The following LARP6 variants were observed in gnomAD, a reference collection of about 807,000 sequenced individuals.
LARP6 encodes La ribonucleoprotein 6, translational regulator, also known as la-related protein 6.
A neutral mutation model predicts 32.8 loss-of-function variants in LARP6; 18 were observed. The ratio of observed to expected loss-of-function variants is 0.55; its 90% CI spans 0.38 to 0.81. The LOEUF (loss-of-function observed/expected upper bound fraction) is 0.81, where lower values mean the gene tolerates loss of function less well. Among genes scored for constraint, LARP6 ranks in the 40% least tolerant of loss-of-function variants. The probability of loss-of-function intolerance (pLI) is 0.00; values close to 1 mark genes in which losing one functional copy is unlikely to be tolerated. For missense variants in LARP6, 598 were observed against 663.1 expected (o/e 0.90, Z 1.08); for synonymous variants, 289 against 267.2 (o/e 1.08, Z -0.80).
In LARP6 at chr15:70,854,150, C is replaced by A; in HGVS notation, c.-62G>T. 2 of 1,167,048 alleles carry A rather than the reference C, an allele frequency of 1.7e-6. No individual in the cohort carries two copies. The highest frequency in any genetic ancestry group is 2.1e-6 in the Non-Finnish European group (2 of 936,162). The allele number at this position is 1,167,048 out of a possible 1,614,324, so 72.3% of individuals were successfully genotyped here. A position where few individuals can be genotyped will look rare whatever the true frequency, so the allele number is the denominator to read the frequency against. ...CCGCAAGGCCCAGCCAGCCGGTCGG[C>A]AGCGACTGCGACGAGGGGGCGGGGG... On this transcript the variant is annotated 5_prime_UTR_variant, in exon 1 of 3. Transcript: ENST00000299213.
intron 1 of LARP6, among the ~76,000 whole-genome samples, chr15:70,843,103 A>G (rs2032285340): frequency 6.6e-6 from 1 of 151,108 alleles, no homozygotes; most frequent in South Asian, 2.1e-4. Flanking sequence ...CTTCCAACCC[A>G]CCCCCCAACT....
intron 1 of LARP6, chr15:70,852,414 T>C (rs2032494609): frequency 3.0e-5 from 10 of 331,158 alleles, no homozygotes; most frequent in South Asian, 2.3e-4. Flanking sequence ...ATAGGGGATC[T>C]TTCCAGGCCT....
chr15:70,842,386 C>G (rs2032273066), intron 1 of LARP6, among the ~76,000 whole-genome samples: 1 of 152,030 alleles, frequency 6.6e-6, no homozygotes, highest in African/African-American at 2.4e-5. Context: ...ACCCAATAAT[C>G]TATCCCTGAC....
At chr15:70,842,896 C>T (rs867121251) in intron 1 of LARP6, among the ~76,000 whole-genome samples, 1 of 152,152 alleles carries the variant, frequency 6.6e-6, no homozygotes, top group South Asian at 2.1e-4. Flanking sequence ...CTATGCATCT[C>T]CAAAGGGGGA....
chr15:70,853,720 C>T (rs925728132), intron 1 of LARP6, among the ~76,000 whole-genome samples, 169 bp downstream of exon 1: 2 of 152,176 alleles, frequency 1.3e-5, no homozygotes, highest in African/African-American at 4.8e-5. Flanking sequence ...CCGGCTGCCT[C>T]CACGGGCCGG....
At chr15:70,851,497 C>T (rs1028740120) in intron 1 of LARP6, 2 of 1,430,836 alleles carry the variant, frequency 1.4e-6, no homozygotes, top group Non-Finnish European at 9.2e-7. Flanking sequence ...AGGTATTAGG[C>T]TAGGTATGGA....
intron 1 of LARP6, chr15:70,851,789 A>G (rs1159092461): frequency 6.2e-7 from 1 of 1,601,186 alleles, no homozygotes; most frequent in East Asian, 2.2e-5. Flanking sequence ...ACAGAGTACT[A>G]CAGCAACAGA....
intron 1 of LARP6, among the ~76,000 whole-genome samples, chr15:70,838,934 A>AAGC (rs984945049): frequency 6.6e-6 from 1 of 151,022 alleles, no homozygotes; most frequent in Non-Finnish European, 1.5e-5. Flanking sequence ...AAAAGAAAAG[A>AAGC]AGCAACTGTG....
At chr15:70,834,729 G>C (rs546611384) in intron 2 of LARP6, among the ~76,000 whole-genome samples, 5 of 152,346 alleles carry the variant, frequency 3.3e-5, no homozygotes, top group African/African-American at 1.2e-4. Context: ...TCCTAAGCCT[G>C]GGTCCATGAC....
Position 70,834,453 on chromosome 15 carries a change from G to A in LARP6, c.412-1337C>T, listed in dbSNP as rs78308695. On this transcript the variant is annotated intron_variant, in intron 2 of 2. Transcript: ENST00000299213. ...TGAGGCTGTGGGAAAGCCAGGCAGT[G>A]GCTCACTGTGGGGTGAAACATGGTG... is the stretch of plus-strand genomic sequence containing the variant. Among the ~76,000 whole-genome samples, 486 of 152,344 alleles carry A rather than the reference G, an allele frequency of 3.2e-3. 6 individuals carry two copies. The highest frequency in any genetic ancestry group is 0.011 in the African/African-American group (471 of 41,572).
rs151171344 is a variant in LARP6, at chr15:70,836,153, C to G, written c.411+142G>C. The G allele has an allele frequency of 5.0e-5, 33 of 664,386 alleles. No homozygotes were observed. The East Asian group carries it at 8.9e-4, about 18-fold the overall frequency. 41.2% of individuals were successfully genotyped at this position (664,386 alleles called of 1,614,324 possible). On this transcript the variant is annotated intron_variant, in intron 2 of 2. Coordinates refer to ENST00000299213, the MANE Select transcript of LARP6 (RefSeq NM_018357.4). ...AACAATACTAAATCCCTTCTCCTAG[C>G]CATTTTTCTCTTTTTCAGGCACAGA...
chr15:70,841,086 T>G (rs2032248349), intron 1 of LARP6, among the ~76,000 whole-genome samples: 1 of 151,596 alleles, frequency 6.6e-6, no homozygotes, highest in Admixed American at 6.6e-5. Context: ...GCTAATTTTT[T>G]GTATTTTTAG....
chr15:70,847,811 G>A (rs2032375248), intron 1 of LARP6, among the ~76,000 whole-genome samples: 2 of 152,176 alleles, frequency 1.3e-5, no homozygotes, highest in South Asian at 2.1e-4. Context: ...GTGGAATAAT[G>A]AGACCCTCAC....
intron 1 of LARP6, chr15:70,853,637 C>T (rs1595959542): frequency 3.2e-6 from 1 of 308,566 alleles, no homozygotes; most frequent in East Asian, 5.1e-5. Flanking sequence ...AACATCCCCA[C>T]GTCCAGGCCC....
Position 70,832,887 on chromosome 15 carries a change from A to C in LARP6, c.641T>G (p.Met214Arg). Reference sequence around the variant, plus strand: ...CCCAAAAAGCTTGAGCAGGTGTTCCATCACCTTCTCTTGCACCCTTCCATT... The same window carrying C: ...CCCAAAAAGCTTGAGCAGGTGTTCCCTCACCTTCTCTTGCACCCTTCCATT... ...QKNGRVQEKV[M>R]EHLLKLFGTF... The change falls in exon 3 of 3, where the codon ATG becomes AGG. Residue 214 changes from methionine to arginine, a missense_variant. This residue lies in a region of LARP6 where 368 missense variants were observed against 397.9 expected (regional missense o/e 0.92). Coordinates refer to ENST00000299213, the MANE Select transcript of LARP6 (RefSeq NM_018357.4). 6.2e-7 allele frequency: 1 copy of C among 1,608,392 alleles called. No homozygotes were observed. The highest frequency in any genetic ancestry group is 8.5e-7 in the Non-Finnish European group (1 of 1,177,704).
chr15:70,845,312 T>C (rs1183502222), intron 1 of LARP6, among the ~76,000 whole-genome samples: 24 of 152,218 alleles, frequency 1.6e-4, no homozygotes, highest in Admixed American at 1.6e-3. Flanking sequence ...GAGGCTCCTC[T>C]TGGCTGTGAC....
intron 1 of LARP6, among the ~76,000 whole-genome samples, chr15:70,847,796 A>C (rs2141057747): frequency 6.6e-6 from 1 of 152,308 alleles, no homozygotes; most frequent in South Asian, 2.1e-4. Context: ...ATCCAAACTA[A>C]GATGGTGGAA....
At chr15:70,838,967 AAT>A (rs1259782306) in intron 1 of LARP6, among the ~76,000 whole-genome samples, 1 of 151,794 alleles carries the variant, frequency 6.6e-6, no homozygotes, top group Non-Finnish European at 1.5e-5. Context: ...TGAGGGAAAA[AAT>A]ATTCTGGCAA....
At chr15:70,839,568 A>G (rs558447118) in intron 1 of LARP6, among the ~76,000 whole-genome samples, 7 of 152,262 alleles carry the variant, frequency 4.6e-5, no homozygotes, top group Non-Finnish European at 1.0e-4. Flanking sequence ...AATAACAAAC[A>G]CTTTCTCAAT....
Sources: gnomAD v4.1 joint callset for allele counts (sites outside exome capture counted in the v4.1 genomes callset) on GRCh38, gnomAD v4.1.1 for gene constraint, gnomAD v4.1.1 regional missense constraint, MANE v1.5 for transcripts, NCBI Gene and HGNC (gene_info 2026-07-23, HGNC 2026-07-21) for gene names.